ZSCAN29: variants seen among roughly 807,000 people sequenced by gnomAD.
The protein encoded by ZSCAN29 is zinc finger and SCAN domain containing 29.
ZSCAN29 carries 55 observed loss-of-function variants against 71.9 expected under a neutral mutation model. The ratio of observed to expected loss-of-function variants is 0.76; its 90% CI spans 0.62 to 0.96. The LOEUF (loss-of-function observed/expected upper bound fraction) is 0.96. Among genes scored for constraint, ZSCAN29 ranks in the 40% least tolerant of loss-of-function variants. The pLI, the probability that ZSCAN29 is intolerant of heterozygous loss-of-function variation, is 0.00. For synonymous variants in ZSCAN29, 351 were observed against 371.6 expected (o/e 0.94, Z 0.64); for missense variants, 1,042 against 1,042.2 (o/e 1.00, Z 0.00).
chr15:43,365,486 G>T (rs2044026653), intron 4 of ZSCAN29, among the ~76,000 whole-genome samples: 1 of 152,142 alleles, frequency 6.6e-6, no homozygotes, highest in Non-Finnish European at 1.5e-5. Context: ...TCCCAGCTCA[G>T]TGTGGTGGCT....
At position 43,368,909 on chromosome 15, in the gene ZSCAN29, A is replaced by C; in HGVS notation, c.523+14T>G. ...GAATGGCAGTCTATCTTCCCATATGAATCTACTCCTCACCGCTCCTTTGAA... is the reference window on the plus strand; with the variant it reads ...GAATGGCAGTCTATCTTCCCATATGCATCTACTCCTCACCGCTCCTTTGAA... On this transcript the variant is annotated intron_variant, in intron 3 of 5. Coordinates refer to ENST00000684362, the MANE Select transcript of ZSCAN29 (RefSeq NM_001372080.1). 1 of 1,574,124 alleles carries C rather than the reference A, an allele frequency of 6.4e-7. No homozygotes were observed.
At position 43,369,655 on chromosome 15, in the gene ZSCAN29, C is replaced by T; in HGVS notation, c.259G>A (p.Glu87Lys). The change falls in exon 2 of 6, where the codon GAG becomes AAG. Residue 87 changes from glutamate (E) to lysine (K), a missense_variant. Physicochemically the swap from Glu to Lys is moderately conservative, Grantham distance 56. Transcript: ENST00000684362. ...TCTTCCACGAGAGTCACTGCCTCCT[C>T]TCCATTTTCTGGACATTGTTCCTGT... Reference protein sequence around the residue: ...WVQEQCPENGEEAVTLVEDLE... With the variant: ...WVQEQCPENGKEAVTLVEDLE... 2.5e-6 allele frequency: 4 copies of T among 1,614,214 alleles called. No individual in the cohort carries two copies. Among genetic ancestry groups the T allele is most frequent in the Non-Finnish European group, 3.4e-6 (4 of 1,180,034 alleles).
At chr15:43,365,778 G>T (rs2044030345) in intron 4 of ZSCAN29, among the ~76,000 whole-genome samples, 1 of 152,086 alleles carries the variant, frequency 6.6e-6, no homozygotes, top group South Asian at 2.1e-4. Flanking sequence ...TCTACTTAAA[G>T]ATAATATTGT....
In ZSCAN29 at chr15:43,358,361, CTTTTTTT is replaced by C. The variant is rs58184516; in HGVS notation, c.*2705_*2711del. ...ATACATAGATATACTAAAGACAATA[CTTTTTTT>C]TTTTTTTGACATTACAGCACACTTC... On this transcript the variant is annotated 3_prime_UTR_variant, in exon 6 of 6. Coordinates refer to ENST00000684362, the MANE Select transcript of ZSCAN29 (RefSeq NM_001372080.1). 1 of 145,752 alleles carries C rather than the reference CTTTTTTT, an allele frequency of 6.9e-6. No homozygotes were observed. The highest frequency in any genetic ancestry group is 2.2e-4 in the South Asian group (1 of 4,570). The allele number at this position is 145,752 out of a possible 1,614,324, so 9.0% of individuals were successfully genotyped here.
rs763775948 is a variant in ZSCAN29 at position 43,366,800 on chromosome 15, A to T, written c.532T>A (p.Phe178Ile). 1.4e-4 allele frequency: 232 copies of T among 1,605,342 alleles called. 1 individual carries two copies. In the South Asian group the frequency reaches 2.3e-3, roughly 16 times the overall value. Residue 178 changes from phenylalanine to isoleucine, a missense_variant, in exon 4 of 6, where the codon TTT (phenylalanine) becomes ATT (isoleucine). Transcript: ENST00000684362. ...LKPFQRSGLP[F>I]PKSGVVSRLE... ...CTGGAGACCACACCGGATTTAGGAA[A>T]TGGCAATCCTGCTTGCAGGGAAACA...
In ZSCAN29 at chr15:43,358,575, T is replaced by C. The variant is rs1176431084; in HGVS notation, c.*2498A>G. 4 of 152,244 alleles carry C rather than the reference T, an allele frequency of 2.6e-5. No individual in the cohort carries two copies. Among genetic ancestry groups the C allele is most frequent in the Non-Finnish European group, 4.4e-5 (3 of 68,048 alleles). The allele number at this position is 152,244 out of a possible 1,614,324, so 9.4% of individuals were successfully genotyped here. A position where few individuals can be genotyped will look rare whatever the true frequency, so the allele number is the denominator to read the frequency against. On this transcript the variant is annotated 3_prime_UTR_variant, in exon 6 of 6. Coordinates refer to ENST00000684362, the MANE Select transcript of ZSCAN29 (RefSeq NM_001372080.1). ...CTCTAACACAACAAGCTATGAATTA[T>C]AGAATACTATATCTTCCTACTGCTC...
At chr15:43,368,777 G>T in intron 3 of ZSCAN29, 146 bp downstream of exon 3, 1 of 687,796 alleles carries the variant, frequency 1.5e-6, no homozygotes, top group Non-Finnish European at 2.4e-6. Context: ...GAGGTAATAT[G>T]AATACCAGAG....
At position 43,361,850 on chromosome 15, in the gene ZSCAN29, T is replaced by C; in HGVS notation, c.1782A>G (p.Glu594=). The C allele has an allele frequency of 6.2e-7, 1 of 1,614,186 alleles. No homozygotes were observed. Among genetic ancestry groups the C allele is most frequent in the Non-Finnish European group, 8.5e-7 (1 of 1,180,024 alleles). ...GATGAAGATACCGGGGAATTTTCCTTTCAGATCTTGCAAGTAATGTCCTAT... is the reference window on the plus strand; with the variant it reads ...GATGAAGATACCGGGGAATTTTCCTCTCAGATCTTGCAAGTAATGTCCTAT... ...QLHRTLLARS[E]RKIPRYLHQG... is the part of the protein sequence containing the mutation. The change falls in exon 6 of 6, where the codon GAA becomes GAG. Residue 594 remains glutamate (E), a synonymous_variant. Coordinates refer to ENST00000684362, the MANE Select transcript of ZSCAN29 (RefSeq NM_001372080.1).
rs1418471920 is a variant in ZSCAN29 at position 43,369,652 on chromosome 15, C to T, written c.262G>A (p.Glu88Lys). 6.2e-7 allele frequency: 1 copy of T among 1,614,080 alleles called. No homozygotes were observed. Among genetic ancestry groups the T allele is most frequent in the African/African-American group, 1.3e-5 (1 of 74,946 alleles). The change falls in exon 2 of 6, where the codon GAG becomes AAG. Residue 88 changes from glutamate (E) to lysine (K), a missense_variant. By Grantham distance (56) the Glu-to-Lys change is moderately conservative. Transcript: ENST00000684362. The part of the protein sequence containing the change: ...VQEQCPENGE[E>K]AVTLVEDLER... ...AAATCTTCCACGAGAGTCACTGCCT[C>T]CTCTCCATTTTCTGGACATTGTTCC...
At chr15:43,369,467 A>T in intron 2 of ZSCAN29, 129 bp downstream of exon 2, 1 of 1,038,632 alleles carries the variant, frequency 9.6e-7, no homozygotes, top group Non-Finnish European at 1.4e-6. Flanking sequence ...TGAAAAAGTT[A>T]CCTATACCAG....
Position 43,365,604 on chromosome 15 carries a change from T to A in ZSCAN29, c.1222+506A>T, listed in dbSNP as rs964560710. On this transcript the variant is annotated intron_variant, in intron 4 of 5. Transcript: ENST00000684362. ...AGACCCTGTCTCTGTTTAAATATATTTTAAAATTTTTAAAGAAAAAAATGT... is the reference window on the plus strand; with the variant it reads ...AGACCCTGTCTCTGTTTAAATATATATTAAAATTTTTAAAGAAAAAAATGT... Among the ~76,000 whole-genome samples, 5 of 152,186 alleles carry A rather than the reference T, an allele frequency of 3.3e-5. No homozygotes were observed. The East Asian group carries it at 9.6e-4, about 29-fold the overall frequency.
chr15:43,364,922 G>C (rs929142548), intron 4 of ZSCAN29, among the ~76,000 whole-genome samples: 3 of 128,116 alleles, frequency 2.3e-5, no homozygotes, highest in Non-Finnish European at 5.0e-5. Context: ...AAAAGTGAAA[G>C]AACAATGATA....
At chr15:43,368,572 G>T (rs1304063292) in intron 3 of ZSCAN29, among the ~76,000 whole-genome samples, 3 of 150,490 alleles carry the variant, frequency 2.0e-5, no homozygotes, top group Non-Finnish European at 4.4e-5. Flanking sequence ...TGGATCTTCT[G>T]GGGGAAAGCT....
At chr15:43,367,915 A>G (rs565836691) in intron 3 of ZSCAN29, among the ~76,000 whole-genome samples, 2 of 152,360 alleles carry the variant, frequency 1.3e-5, no homozygotes, top group Admixed American at 6.5e-5. Flanking sequence ...GGTAACAGAA[A>G]AAAGCATACA....
Position 43,361,819 on chromosome 15 carries a change from T to A in ZSCAN29, c.1813A>T (p.Lys605Ter). ...RKIPRYLHQG[K>*]GNESDCRSGR... ...GATCTACAGTCACTCTCATTGCCTT[T>A]ACCCTGATGAAGATACCGGGGAATT... The change falls in exon 6 of 6, where the codon AAA becomes TAA. Residue 605 changes from lysine to a stop codon, truncating the protein, a stop_gained. Transcript: ENST00000684362. LOFTEE classifies it high-confidence loss of function. The A allele has an allele frequency of 6.2e-7, 1 of 1,614,228 alleles. No individual in the cohort carries two copies. Among genetic ancestry groups the A allele is most frequent in the Non-Finnish European group, 8.5e-7 (1 of 1,180,042 alleles).
intron 4 of ZSCAN29, among the ~76,000 whole-genome samples, chr15:43,365,450 T>C (rs1033857546): frequency 1.3e-5 from 2 of 152,224 alleles, no homozygotes; most frequent in Non-Finnish European, 2.9e-5. Flanking sequence ...ATGTATACTA[T>C]GAATCTCAGA....
In ZSCAN29 at chr15:43,368,923, C is replaced by T. The variant is rs770885404; in HGVS notation, c.523G>A (p.Gly175Arg). Residue 175 changes from glycine to arginine, a missense_variant and splice_region_variant, in exon 3 of 6, where the codon GGA becomes AGA. Physicochemically the swap from Gly to Arg is moderately radical, Grantham distance 125. Transcript: ENST00000684362. ...CTTCCCATATGAATCTACTCCTCAC[C>T]GCTCCTTTGAAAAGGTTTGAGCTTC... ...KEKLKPFQRSGLPFPKSGVVS... is the reference protein window; with the variant it reads ...KEKLKPFQRSRLPFPKSGVVS... The T allele has an allele frequency of 4.9e-5, 79 of 1,599,834 alleles. No homozygotes were observed. The highest frequency in any genetic ancestry group is 6.3e-5 in the Non-Finnish European group (74 of 1,173,852).
Position 43,361,357 on chromosome 15 carries a change from C to G in ZSCAN29, c.2275G>C (p.Glu759Gln). Residue 759 changes from glutamate (E) to glutamine (Q), a missense_variant, in exon 6 of 6, where the codon GAA becomes CAA. Glu to Gln is a conservative substitution (Grantham distance 29). Coordinates refer to ENST00000684362, the MANE Select transcript of ZSCAN29 (RefSeq NM_001372080.1). Reference sequence around the variant, plus strand: ...CACTCTTCACATTGATAGGGCTTTTCTCCTGTGTGGGTTCTCTGGTGAATG... The same window carrying G: ...CACTCTTCACATTGATAGGGCTTTTGTCCTGTGTGGGTTCTCTGGTGAATG... ...LIIHQRTHTG[E>Q]KPYQCEECGK... 1.2e-6 allele frequency: 2 copies of G among 1,614,226 alleles called. No homozygotes were observed. Among genetic ancestry groups the G allele is most frequent in the Non-Finnish European group, 1.7e-6 (2 of 1,180,044 alleles).
intron 4 of ZSCAN29, 135 bp downstream of exon 4, chr15:43,365,971 TACAC>T (rs1005869027): frequency 5.3e-5 from 40 of 759,330 alleles, no homozygotes; most frequent in South Asian, 7.9e-5. Flanking sequence ...GAGAATGAAA[TACAC>T]ACAAAGAATG....
Sources: gnomAD v4.1 joint callset for allele counts (sites outside exome capture counted in the v4.1 genomes callset) on GRCh38, gnomAD v4.1.1 for gene constraint, MANE v1.5 for transcripts, NCBI Gene and HGNC (gene_info 2026-07-23, HGNC 2026-07-21) for gene names.